CACNG3: variants seen among roughly 807,000 people sequenced by gnomAD.
The protein encoded by CACNG3 is voltage-dependent calcium channel gamma-3 subunit.
Under a neutral mutation model 28.5 loss-of-function variants are expected in CACNG3, and 3 were observed. That is an observed-to-expected ratio of 0.11 (90% CI 0.05 to 0.27). The LOEUF (loss-of-function observed/expected upper bound fraction) is 0.27. Ranked by LOEUF, CACNG3 falls within the 10% of genes least tolerant of loss-of-function variation. The pLI, the probability that CACNG3 is intolerant of heterozygous loss-of-function variation, is 1.00. For missense variants in CACNG3, 236 were observed against 414.4 expected, an observed-to-expected ratio of 0.57 and a Z score of 3.74; for synonymous variants, 174 against 162.2, an observed-to-expected ratio of 1.07 and a Z score of -0.55.
In CACNG3 at chr16:24,284,968, T is replaced by C. The variant is rs529632402; in HGVS notation, c.211+28003T>C. Among the ~76,000 whole-genome samples the C allele has an allele frequency of 3.3e-5, 5 of 151,120 alleles. No homozygotes were observed. In the South Asian group the frequency reaches 1.0e-3, roughly 32 times the overall value. On this transcript the variant is annotated intron_variant, in intron 1 of 3. Transcript: ENST00000005284. ...ATTAGCCAAACATCTAGTAGTCTTG[T>C]CTTACAAACACAGGAATTATAACTT...
At chr16:24,282,562 A>G (rs978490932) in intron 1 of CACNG3, among the ~76,000 whole-genome samples, 1 of 152,138 alleles carries the variant, frequency 6.6e-6, no homozygotes, top group African/African-American at 2.4e-5. Context: ...GGCATGAGCC[A>G]CCGTGCCCAG....
intron 1 of CACNG3, among the ~76,000 whole-genome samples, chr16:24,310,764 GT>G (rs1398857843): frequency 6.6e-6 from 1 of 152,118 alleles, no homozygotes; most frequent in Non-Finnish European, 1.5e-5. Flanking sequence ...CTGGTAGGGG[GT>G]GCTGCTGGGA....
intron 1 of CACNG3, among the ~76,000 whole-genome samples, chr16:24,285,622 C>T (rs1372653576): frequency 6.6e-6 from 1 of 151,970 alleles, no homozygotes; most frequent in East Asian, 1.9e-4. Context: ...TCAAGTCTAG[C>T]CTGGGCAACA....
chr16:24,327,436 G>GTATA (rs1162289233), intron 1 of CACNG3, among the ~76,000 whole-genome samples: 1 of 67,210 alleles, frequency 1.5e-5, no homozygotes, highest in Non-Finnish European at 2.9e-5. Context: ...GTGTGTGTGT[G>GTATA]TGTATATATA....
chr16:24,258,730 G>T (rs559836724), intron 1 of CACNG3, among the ~76,000 whole-genome samples: 1 of 152,258 alleles, frequency 6.6e-6, no homozygotes, highest in African/African-American at 2.4e-5. Flanking sequence ...ATATCTACAT[G>T]GTTCTAGAGA....
chr16:24,321,423 G>A (rs60777019), intron 1 of CACNG3, among the ~76,000 whole-genome samples: 39,875 of 152,020 alleles, frequency 0.26, 6,080 homozygotes, highest in South Asian at 0.42. Flanking sequence ...CCTGGGCAAT[G>A]GAGTGAGACT....
In CACNG3 at chr16:24,352,873, G is replaced by A. The variant is rs1044070964; in HGVS notation, c.296-1960G>A. ...ATTCTTGTGGTTCTACCCGTTACACGGGGCTCAGCCCTCAGAAGGGCCCCA... is the reference window on the plus strand; with the variant it reads ...ATTCTTGTGGTTCTACCCGTTACACAGGGCTCAGCCCTCAGAAGGGCCCCA... On this transcript the variant is annotated intron_variant, in intron 2 of 3. Transcript: ENST00000005284. Among the ~76,000 whole-genome samples, 3 of 152,078 alleles carry A rather than the reference G, an allele frequency of 2.0e-5. 1 individual carries two copies. The highest frequency in any genetic ancestry group is 4.4e-5 in the Non-Finnish European group (3 of 68,024).
intron 1 of CACNG3, among the ~76,000 whole-genome samples, chr16:24,285,127 G>C (rs891856102): frequency 3.9e-5 from 6 of 152,052 alleles, no homozygotes; most frequent in African/African-American, 7.2e-5. Flanking sequence ...TCACTCCTGT[G>C]ATTCACACTC....
chr16:24,265,288 G>GAGGA (rs1055391018), intron 1 of CACNG3, among the ~76,000 whole-genome samples: 2 of 141,492 alleles, frequency 1.4e-5, no homozygotes, highest in Middle Eastern at 3.3e-3. Flanking sequence ...GGAAGGAAGG[G>GAGGA]AGGAAGGAAG....
chr16:24,257,375 GAGAGA>G (rs1289628122), intron 1 of CACNG3, among the ~76,000 whole-genome samples: 2 of 29,896 alleles, frequency 6.7e-5, no homozygotes, highest in Admixed American at 4.8e-4. Flanking sequence ...GGGGGAGAGA[GAGAGA>G]GAGAGAGAGA....
chr16:24,333,873 G>A (rs927602249), intron 1 of CACNG3, among the ~76,000 whole-genome samples: 1 of 152,012 alleles, frequency 6.6e-6, no homozygotes, highest in Non-Finnish European at 1.5e-5. Flanking sequence ...GGAGAGGAGA[G>A]GACAGGAGAG....
At chr16:24,267,453 AT>A (rs1267312178) in intron 1 of CACNG3, among the ~76,000 whole-genome samples, 1 of 151,976 alleles carries the variant, frequency 6.6e-6, no homozygotes, top group Non-Finnish European at 1.5e-5. Flanking sequence ...ATGCCCAGCT[AT>A]TTTTAAAATT....
At chr16:24,313,881 A>T (rs1175555343) in intron 1 of CACNG3, among the ~76,000 whole-genome samples, 1 of 151,896 alleles carries the variant, frequency 6.6e-6, no homozygotes, top group African/African-American at 2.4e-5. Context: ...AGTAGCTGGG[A>T]TTACAGGTGC....
At chr16:24,258,237 C>G (rs1007080129) in intron 1 of CACNG3, among the ~76,000 whole-genome samples, 2 of 152,238 alleles carry the variant, frequency 1.3e-5, no homozygotes, top group African/African-American at 4.8e-5. Context: ...GCATCATTCT[C>G]TGGCCTTTTT....
chr16:24,291,072 C>T (rs1475451382), intron 1 of CACNG3, among the ~76,000 whole-genome samples: 1 of 152,212 alleles, frequency 6.6e-6, no homozygotes, highest in African/African-American at 2.4e-5. Flanking sequence ...ACTTCACTCT[C>T]CTGGGATGCA....
chr16:24,257,398 AG>A (rs1371752775), intron 1 of CACNG3, among the ~76,000 whole-genome samples: 12 of 144,648 alleles, frequency 8.3e-5, no homozygotes, highest in Non-Finnish European at 1.8e-4. Context: ...AGAGAGAGAG[AG>A]AGAGAGAGAG....
At chr16:24,340,903 G>A (rs570047784) in intron 1 of CACNG3, among the ~76,000 whole-genome samples, 5 of 152,184 alleles carry the variant, frequency 3.3e-5, no homozygotes, top group East Asian at 1.9e-4. Context: ...CAGACCAAAC[G>A]CCATTGATCT....
Position 24,361,324 on chromosome 16 carries a change from A to G in CACNG3, c.437-28A>G, listed in dbSNP as rs780662089. ...CAGTTCTCTCCGAGGTGTATAAAGG[A>G]CGTGTTTTTCTTTTCCCCTTCTCTT... On this transcript the variant is annotated intron_variant, in intron 3 of 3. Coordinates refer to ENST00000005284, the MANE Select transcript of CACNG3 (RefSeq NM_006539.4). The surrounding 1 kb of genome is among the most constrained non-coding windows in gnomAD (Gnocchi z 6.8). 19 of 1,523,468 alleles carry G rather than the reference A, an allele frequency of 1.2e-5. No homozygotes were observed. Among genetic ancestry groups the G allele is most frequent in the Non-Finnish European group, 1.7e-5 (19 of 1,129,246 alleles). The allele number at this position is 1,523,468 out of a possible 1,614,324, so 94.4% of individuals were successfully genotyped here. A position where few individuals can be genotyped will look rare whatever the true frequency, so the allele number is the denominator to read the frequency against.
intron 1 of CACNG3, among the ~76,000 whole-genome samples, chr16:24,269,592 G>C (rs151074257): frequency 9.6e-4 from 145 of 151,722 alleles, no homozygotes; most frequent in African/African-American, 3.4e-3. Context: ...ACTAAAAATA[G>C]AAAAATTAGC....
Sources: allele counts gnomAD v4.1 joint callset (sites outside exome capture counted in the v4.1 genomes callset), GRCh38; gene constraint gnomAD v4.1.1; non-coding constraint Gnocchi (gnomAD v3.1); transcripts MANE v1.5; gene names NCBI Gene and HGNC (gene_info 2026-07-23, HGNC 2026-07-21).